The following SIM2 variants were observed in gnomAD, a reference collection of about 807,000 sequenced individuals.
The protein encoded by SIM2 is SIM bHLH transcription factor 2, also known as single-minded homolog 2.
A neutral mutation model predicts 64.8 loss-of-function variants in SIM2; 28 were observed. The ratio of observed to expected loss-of-function variants is 0.43; its 90% confidence interval spans 0.32 to 0.59. The LOEUF is 0.59. Ranked by LOEUF, SIM2 falls within the 20% of genes least tolerant of loss-of-function variation. The pLI is 0.07. For missense variants in SIM2, 847 were observed against 871.4 expected (o/e 0.97, Z 0.35); for synonymous variants, 408 against 391.1 (o/e 1.04, Z -0.51).
At chr21:36,715,465 T>G (rs1477075179) in intron 3 of SIM2, among the ~76,000 whole-genome samples, 2 of 152,172 alleles carry the variant, frequency 1.3e-5, no homozygotes, top group African/African-American at 4.8e-5. Context: ...TCATGAGAGA[T>G]AAAAGTGTTA....
intron 7 of SIM2, among the ~76,000 whole-genome samples, chr21:36,740,032 A>AAAG (rs1169157494): frequency 3.0e-4 from 43 of 142,552 alleles, no homozygotes; most frequent in African/African-American, 1.0e-3. Context: ...AGAAAGAAAG[A>AAAG]AAGAAAGAAA....
chr21:36,699,409 C>A lies in SIM2; in HGVS notation c.-338C>A. 1 of 173,150 alleles carries A rather than the reference C, an allele frequency of 5.8e-6. No individual in the cohort carries two copies. Among genetic ancestry groups the A allele is most frequent in the South Asian group, 1.9e-4 (1 of 5,276 alleles). 10.7% of individuals were successfully genotyped at this position (173,150 alleles called of 1,614,324 possible). A position where few individuals can be genotyped will look rare whatever the true frequency, so the allele number is the denominator to read the frequency against. Reference sequence around the variant, plus strand: ...GCAGCGCCTCCGCCTCCGCGCCGGCCGCCCCCACCCCCCAGGAAGGCCGAG... The same window carrying A: ...GCAGCGCCTCCGCCTCCGCGCCGGCAGCCCCCACCCCCCAGGAAGGCCGAG... On this transcript the variant is annotated 5_prime_UTR_variant, in exon 1 of 11. Coordinates refer to ENST00000290399, the MANE Select transcript of SIM2 (RefSeq NM_005069.6). This position sits in a 1 kb window ranked among gnomAD's most constrained non-coding sequence, Gnocchi z 5.6.
intron 2 of SIM2, among the ~76,000 whole-genome samples, chr21:36,711,477 A>G (rs937303560): frequency 7.2e-5 from 11 of 152,222 alleles, no homozygotes; most frequent in Non-Finnish European, 1.5e-4. Context: ...TTTGCAGCAA[A>G]CTGTATTTGA....
At chr21:36,720,285 A>C in intron 4 of SIM2, 1 of 219,444 alleles carries the variant, frequency 4.6e-6, no homozygotes, top group Non-Finnish European at 9.1e-6. Context: ...GCCGTGCCTA[A>C]AACTCGGGGG....
intron 8 of SIM2, 131 bp from the exon 9 acceptor site, chr21:36,743,256 C>T: frequency 2.5e-6 from 2 of 793,936 alleles, no homozygotes; most frequent in Admixed American, 2.5e-5. Context: ...GTCTCAAATC[C>T]CATCCACATC....
At chr21:36,730,535 G>A (rs1451103211) in intron 6 of SIM2, among the ~76,000 whole-genome samples, 2 of 152,208 alleles carry the variant, frequency 1.3e-5, no homozygotes, top group Non-Finnish European at 1.5e-5. Context: ...GGAAAGCTCT[G>A]GACAGGGGCA....
At position 36,747,949 on chromosome 21, in the gene SIM2, G is replaced by C; in HGVS notation, c.1861G>C (p.Gly621Arg). 2 of 1,009,858 alleles carry C rather than the reference G, an allele frequency of 2.0e-6. No homozygotes were observed. Among genetic ancestry groups the C allele is most frequent in the Non-Finnish European group, 2.4e-6 (2 of 850,382 alleles). 62.6% of individuals were successfully genotyped at this position (1,009,858 alleles called of 1,614,324 possible). ...GGGGGGCGCCGCACCCGCCGCCTCC[G>C]GCCTGGCCTGCGCTCCCGGCGGCCC... ...PLGGAAPAAS[G>R]LACAPGGPEA... is the part of the protein sequence containing the mutation. The change falls in exon 11 of 11, where the codon GGC becomes CGC. Residue 621 changes from glycine to arginine, a missense_variant. Gly to Arg is a moderately radical substitution (Grantham distance 125). Around this residue, in one of 3 missense-constraint regions of SIM2, gnomAD observed 447 missense variants for 414.6 expected, o/e 1.08. Coordinates refer to ENST00000290399, the MANE Select transcript of SIM2 (RefSeq NM_005069.6). The surrounding 1 kb of genome is among the most constrained non-coding windows in gnomAD (Gnocchi z 4.5).
At chr21:36,709,031 G>C in intron 1 of SIM2, 137 bp from the exon 2 acceptor site, 1 of 687,890 alleles carries the variant, frequency 1.5e-6, no homozygotes, top group Non-Finnish European at 2.4e-6. Flanking sequence ...CGGCTGCGGA[G>C]CCGGGGAGGC....
chr21:36,710,267 C>G (rs1404615249), intron 2 of SIM2: 1 of 152,284 alleles, frequency 6.6e-6, no homozygotes, highest in African/African-American at 2.4e-5. Context: ...GGTGAGGCCT[C>G]CGGGCTCTTG....
intron 1 of SIM2, among the ~76,000 whole-genome samples, chr21:36,701,757 G>A (rs1294562154): frequency 6.6e-6 from 1 of 152,222 alleles, no homozygotes; most frequent in Non-Finnish European, 1.5e-5. Context: ...TCCGGTTGAT[G>A]TTTTAGGGGA....
chr21:36,744,906 T>C lies in SIM2; in HGVS notation c.1346T>C (p.Leu449Pro). 3 of 1,614,260 alleles carry C rather than the reference T, an allele frequency of 1.9e-6. No homozygotes were observed. The highest frequency in any genetic ancestry group is 1.7e-6 in the Non-Finnish European group (2 of 1,180,046). ...TCCTACCATTACGGACACTTCCCTC[T>C]GGACTCTCACGTCTTCAGCAGCAAA... ...PFSYHYGHFP[L>P]DSHVFSSKKP... The change falls in exon 10 of 11, where the codon CTG becomes CCG. Residue 449 changes from leucine (L) to proline (P), a missense_variant. Transcript: ENST00000290399.
At position 36,719,976 on chromosome 21, in the gene SIM2, A is replaced by G. The variant is rs774636174; in HGVS notation, c.457+47A>G. On this transcript the variant is annotated intron_variant, in intron 4 of 10. Transcript: ENST00000290399. Reference sequence around the variant, plus strand: ...AAAAAAACAGACTAAAAGCAAGGCGACATTCTTAAATGGAACTCAGGGCTT... The same window carrying G: ...AAAAAAACAGACTAAAAGCAAGGCGGCATTCTTAAATGGAACTCAGGGCTT... 6.1e-6 allele frequency: 8 copies of G among 1,317,406 alleles called. No homozygotes were observed. The Admixed American group carries it at 1.4e-4, about 22-fold the overall frequency. The allele number at this position is 1,317,406 out of a possible 1,614,324, so 81.6% of individuals were successfully genotyped here. A position where few individuals can be genotyped will look rare whatever the true frequency, so the allele number is the denominator to read the frequency against.
At position 36,748,654 on chromosome 21, in the gene SIM2, T is replaced by C. The variant is rs557139156; in HGVS notation, c.*562T>C. On this transcript the variant is annotated 3_prime_UTR_variant, in exon 11 of 11. Coordinates refer to ENST00000290399, the MANE Select transcript of SIM2 (RefSeq NM_005069.6). ...CATTATTTTTGTTTTTATTTAACCC[T>C]TTCTTCAATACAAAAAGCCAACAAA... 1 of 152,610 alleles carries C rather than the reference T, an allele frequency of 6.6e-6. No individual in the cohort carries two copies. Among genetic ancestry groups the C allele is most frequent in the Non-Finnish European group, 1.5e-5 (1 of 68,032 alleles). 9.5% of individuals were successfully genotyped at this position (152,610 alleles called of 1,614,324 possible).
chr21:36,709,215 G>T lies in SIM2; in HGVS notation c.223G>T (p.Gly75Cys), dbSNP rs763647474. 1.9e-6 allele frequency: 3 copies of T among 1,610,170 alleles called. No individual in the cohort carries two copies. Among genetic ancestry groups the T allele is most frequent in the Admixed American group, 1.7e-5 (1 of 59,734 alleles). Residue 75 changes from glycine (G) to cysteine (C), a missense_variant, in exon 2 of 11, where the codon GGC (glycine) becomes TGC (cysteine). Physicochemically the swap from Gly to Cys is radical, Grantham distance 159 (BLOSUM62 -3). Around this residue, in one of 3 missense-constraint regions of SIM2, gnomAD observed 397 missense variants for 439.2 expected, o/e 0.90. Coordinates refer to ENST00000290399, the MANE Select transcript of SIM2 (RefSeq NM_005069.6). ...GCCGAGCCGCGCCGGGCCCCTGGACGGCGTCGCCAAGGAGCTGGGATCGCA... is the reference window on the plus strand; with the variant it reads ...GCCGAGCCGCGCCGGGCCCCTGGACTGCGTCGCCAAGGAGCTGGGATCGCA... ...GQPSRAGPLD[G>C]VAKELGSHLL...
chr21:36,737,982 A>AAAAAAAAAAAAAAAAAAG (rs2089095780), intron 7 of SIM2, among the ~76,000 whole-genome samples: 3 of 88,790 alleles, frequency 3.4e-5, no homozygotes, highest in African/African-American at 1.0e-4. Context: ...AAAAAAAAAA[A>AAAAAAAAAAAAAAAAAAG]GCAAAAAAAA....
At chr21:36,719,992 C>T in intron 4 of SIM2, 63 bp downstream of exon 4, 1 of 1,196,438 alleles carries the variant, frequency 8.4e-7, no homozygotes, top group Non-Finnish European at 1.2e-6. Flanking sequence ...TTAAATGGAA[C>T]TCAGGGCTTT....
At chr21:36,737,961 C>CAAAAAAAAAA (rs61252184) in intron 7 of SIM2, among the ~76,000 whole-genome samples, 1,071 of 34,086 alleles carry the variant, frequency 0.031, 119 homozygotes, top group Non-Finnish European at 0.042. Flanking sequence ...GACCCTGTCT[C>CAAAAAAAAAA]AAAAAAAAAA....
intron 8 of SIM2, 31 bp from the exon 9 acceptor site, chr21:36,743,356 G>A (rs2089188290): frequency 7.5e-6 from 12 of 1,593,180 alleles, no homozygotes; most frequent in Non-Finnish European, 1.0e-5. Flanking sequence ...AGCGCCTGCT[G>A]GACATGACTC....
At chr21:36,719,029 C>G (rs970816772) in intron 3 of SIM2, among the ~76,000 whole-genome samples, 5 of 152,234 alleles carry the variant, frequency 3.3e-5, no homozygotes, top group African/African-American at 1.2e-4. Flanking sequence ...ATGTGCTGTC[C>G]TCTGTGGGCT....
Sources: gnomAD v4.1 joint callset for allele counts (sites outside exome capture counted in the v4.1 genomes callset) on GRCh38, gnomAD v4.1.1 for gene constraint, gnomAD v4.1.1 regional missense constraint, Gnocchi (gnomAD v3.1) non-coding constraint, MANE v1.5 for transcripts, NCBI Gene and HGNC (gene_info 2026-07-23, HGNC 2026-07-21) for gene names.